The following ADGRG6 variants were observed in gnomAD, a reference collection of about 807,000 sequenced individuals.
The protein encoded by ADGRG6 is adhesion G protein-coupled receptor G6, also known as G-protein coupled receptor 126.
ADGRG6 carries 84 observed loss-of-function variants against 142.4 expected under a neutral mutation model. The observed-to-expected ratio is 0.59, with a 90% confidence interval of 0.49 to 0.71. The LOEUF is 0.71. ADGRG6 is among the 30% of genes least tolerant of loss of function. The pLI, the probability that ADGRG6 is intolerant of heterozygous loss-of-function variation, is 0.00. For missense variants in ADGRG6, 1,367 were observed against 1,466.6 expected (o/e 0.93, Z 1.11); for synonymous variants, 521 against 520.5 (o/e 1.00, Z -0.01).
intron 5 of ADGRG6, among the ~76,000 whole-genome samples, chr6:142,382,744 A>G (rs932464283): frequency 6.6e-6 from 1 of 152,194 alleles, no homozygotes. Context: ...TGTTCTGTGT[A>G]CCACATTAAG....
At chr6:142,374,205 C>T (rs564377674) in intron 4 of ADGRG6, among the ~76,000 whole-genome samples, 3 of 152,178 alleles carry the variant, frequency 2.0e-5, no homozygotes, top group East Asian at 1.9e-4. Context: ...ACTGAGAGTC[C>T]GCTTTGCTGA....
At chr6:142,414,242 T>C (rs1283084149) in intron 18 of ADGRG6, among the ~76,000 whole-genome samples, 3 of 152,088 alleles carry the variant, frequency 2.0e-5, no homozygotes, top group East Asian at 3.9e-4. Context: ...CCTGTAAGTC[T>C]CCCTTAGCAC....
At chr6:142,338,975 G>A (rs1457511881) in intron 2 of ADGRG6, among the ~76,000 whole-genome samples, 1 of 151,974 alleles carries the variant, frequency 6.6e-6, no homozygotes, top group Non-Finnish European at 1.5e-5. Context: ...CATTTTATTG[G>A]ATGTGATTAT....
At chr6:142,401,230 G>A (rs538146017) in intron 11 of ADGRG6, among the ~76,000 whole-genome samples, 2 of 152,258 alleles carry the variant, frequency 1.3e-5, no homozygotes, top group South Asian at 2.1e-4. Flanking sequence ...CACTTTGTAG[G>A]GAGCAAAGAA....
intron 2 of ADGRG6, among the ~76,000 whole-genome samples, chr6:142,362,912 A>C (rs1780787212): frequency 6.6e-6 from 1 of 152,154 alleles, no homozygotes; most frequent in African/African-American, 2.4e-5. Context: ...TAAATATTTT[A>C]AATGTTTTTA....
At chr6:142,366,168 C>T (rs7765770) in intron 2 of ADGRG6, among the ~76,000 whole-genome samples, 29,957 of 152,026 alleles carry the variant, frequency 0.2, 2,998 homozygotes, top group South Asian at 0.23. Flanking sequence ...TTGAGAAGAA[C>T]CTAACTGTTC....
At chr6:142,318,262 TTA>T (rs1179526747) in intron 2 of ADGRG6, among the ~76,000 whole-genome samples, 2 of 70,466 alleles carry the variant, frequency 2.8e-5, no homozygotes, top group Non-Finnish European at 4.9e-5. Flanking sequence ...TATATATTTA[TTA>T]TATATATTTA....
At chr6:142,391,523 C>T (rs923904245) in intron 7 of ADGRG6, among the ~76,000 whole-genome samples, 1 of 150,390 alleles carries the variant, frequency 6.6e-6, no homozygotes, top group Non-Finnish European at 1.5e-5. Flanking sequence ...AGAAAACAGT[C>T]TTCATTTTAA....
In ADGRG6 at chr6:142,338,017, G is replaced by GTTTTTTTTTTT. The variant is rs1181314373; in HGVS notation, c.103+28384_103+28394dup. 6.1e-3 allele frequency among the ~76,000 whole-genome samples: 216 copies of GTTTTTTTTTTT among 35,378 alleles called. 59 individuals are homozygous for GTTTTTTTTTTT. The highest frequency in any genetic ancestry group is 0.024 in the African/African-American group (189 of 7,862). The allele number at this position is 35,378 out of a possible 152,430, so 23.2% of individuals were successfully genotyped here. Reference sequence around the variant, plus strand: ...AATCCTTTTTATGCCTTGTATCTTTGTTTTTTTTTTTTTTTTTTTTTGAGA... The same window carrying GTTTTTTTTTTT: ...AATCCTTTTTATGCCTTGTATCTTTGTTTTTTTTTTTTTTTTTTTTTTTTTTTTTTTTGAGA... On this transcript the variant is annotated intron_variant, in intron 2 of 24. Coordinates refer to ENST00000367609, the MANE Select transcript of ADGRG6 (RefSeq NM_198569.3).
chr6:142,368,960 T>G lies in ADGRG6; in HGVS notation c.445+1050T>G. ...AATGCATGTAGAATACTGGTTCATATTGTGTCTCTTTGCATAAGTGAACCT... is the reference window on the plus strand; with the variant it reads ...AATGCATGTAGAATACTGGTTCATAGTGTGTCTCTTTGCATAAGTGAACCT... On this transcript the variant is annotated intron_variant, in intron 3 of 24. Coordinates refer to ENST00000367609, the MANE Select transcript of ADGRG6 (RefSeq NM_198569.3). Among the ~76,000 whole-genome samples the G allele has an allele frequency of 1.3e-5, 2 of 152,274 alleles. 1 individual carries two copies. Among genetic ancestry groups the G allele is most frequent in the South Asian group, 4.1e-4 (2 of 4,826 alleles).
intron 2 of ADGRG6, among the ~76,000 whole-genome samples, chr6:142,323,013 A>T (rs1778591544): frequency 6.6e-6 from 1 of 152,076 alleles, no homozygotes. Context: ...CTGGTTACTG[A>T]CTTGAGAGGT....
Position 142,400,555 on chromosome 6 carries a change from T to G in ADGRG6, c.1638T>G (p.Leu546=), listed in dbSNP as rs746697890. ...CTATCCAACCTTCTGAATACGTTCT[T>G]CCTTGTCCAGACAAGCCTGGCTTTT... ...WPSIQPSEYV[L]PCPDKPGFSA... is the part of the protein sequence containing the mutation. Residue 546 remains leucine (L), a synonymous_variant, in exon 11 of 25, where the codon CTT becomes CTG. Coordinates refer to ENST00000367609, the MANE Select transcript of ADGRG6 (RefSeq NM_198569.3). The G allele has an allele frequency of 5.0e-6, 8 of 1,607,238 alleles. No homozygotes were observed. The highest frequency in any genetic ancestry group is 6.0e-6 in the Non-Finnish European group (7 of 1,174,142).
chr6:142,437,985 T>A (rs920728018), intron 23 of ADGRG6: 3 of 365,164 alleles, frequency 8.2e-6, no homozygotes. Flanking sequence ...TGGTTACTTC[T>A]CATCTTTGGG....
intron 2 of ADGRG6, among the ~76,000 whole-genome samples, chr6:142,341,222 C>G (rs968741676): frequency 6.6e-6 from 1 of 150,414 alleles, no homozygotes; most frequent in Non-Finnish European, 1.5e-5. Flanking sequence ...AGCTGTACTC[C>G]TTGAGTTTGA....
At chr6:142,395,927 A>C (rs558340827) in intron 9 of ADGRG6, among the ~76,000 whole-genome samples, 1 of 152,328 alleles carries the variant, frequency 6.6e-6, no homozygotes, top group Non-Finnish European at 1.5e-5. Flanking sequence ...ACAGACAGGA[A>C]ACCAAAGCCA....
chr6:142,307,685 TC>T (rs928502899), intron 1 of ADGRG6, among the ~76,000 whole-genome samples: 3 of 152,078 alleles, frequency 2.0e-5, no homozygotes, highest in Admixed American at 1.3e-4. Context: ...TGTTTGAGAG[TC>T]CACATCCATT....
At chr6:142,325,222 C>T (rs1447206017) in intron 2 of ADGRG6, among the ~76,000 whole-genome samples, 2 of 152,132 alleles carry the variant, frequency 1.3e-5, no homozygotes, top group Non-Finnish European at 2.9e-5. Flanking sequence ...TTTACATCTT[C>T]CTGTCTTTTC....
intron 21 of ADGRG6, among the ~76,000 whole-genome samples, chr6:142,418,733 CTTTG>C (rs1562381570): frequency 6.6e-6 from 1 of 151,996 alleles, no homozygotes; most frequent in African/African-American, 2.4e-5. Flanking sequence ...CAGCTTTTGC[CTTTG>C]TGGAGGTTAT....
intron 2 of ADGRG6, among the ~76,000 whole-genome samples, chr6:142,364,005 A>G (rs1272410499): frequency 6.7e-6 from 1 of 148,270 alleles, no homozygotes; most frequent in Non-Finnish European, 1.5e-5. Flanking sequence ...TAATTGTGGC[A>G]ACTTTTTTTT....
Sources: allele counts gnomAD v4.1 joint callset (sites outside exome capture counted in the v4.1 genomes callset), GRCh38; gene constraint gnomAD v4.1.1; transcripts MANE v1.5; gene names NCBI Gene and HGNC (gene_info 2026-07-23, HGNC 2026-07-21).